The following CACNA1E variants were observed in gnomAD, a reference collection of about 807,000 sequenced individuals.
The protein encoded by CACNA1E is voltage-dependent R-type calcium channel subunit alpha-1E.
A neutral mutation model predicts 259.2 loss-of-function variants in CACNA1E; 40 were observed. The ratio of observed to expected loss-of-function variants is 0.15; its 90% CI spans 0.12 to 0.20. The LOEUF is 0.20. Among genes scored for constraint, CACNA1E ranks in the 10% least tolerant of loss-of-function variants. The probability of loss-of-function intolerance (pLI) is 1.00; values close to 1 mark genes in which losing one functional copy is unlikely to be tolerated. For missense variants in CACNA1E, 1,874 were observed against 3,040.1 expected, an observed-to-expected ratio of 0.62 and a Z score of 9.02; for synonymous variants, 1,104 against 1,138.5, an observed-to-expected ratio of 0.97 and a Z score of 0.61.
chr1:181,645,520 T>A (rs926848843), intron 6 of CACNA1E, among the ~76,000 whole-genome samples: 11 of 152,192 alleles, frequency 7.2e-5, no homozygotes, highest in Non-Finnish European at 1.3e-4. Flanking sequence ...AATTAATCTT[T>A]TCACTGCCTT....
Position 181,798,963 on chromosome 1 carries a change from G to T in CACNA1E, c.*129G>T. ...GATGGAAGGACACCATGCATTATCA[G>T]AGAAGAGGAAGTAAAGGACAATCAG... On this transcript the variant is annotated 3_prime_UTR_variant, in exon 48 of 48. Coordinates refer to ENST00000367573, the MANE Select transcript of CACNA1E (RefSeq NM_001205293.3). The surrounding 1 kb of genome is among the most constrained non-coding windows in gnomAD (Gnocchi z 4.2). The T allele has an allele frequency of 1.2e-6, 1 of 819,980 alleles. No individual in the cohort carries two copies. Among genetic ancestry groups the T allele is most frequent in the African/African-American group, 1.7e-5 (1 of 58,386 alleles). 50.8% of individuals were successfully genotyped at this position (819,980 alleles called of 1,614,324 possible).
chr1:181,373,758 C>T (rs907114059), intron 1 of CACNA1E, among the ~76,000 whole-genome samples: 2 of 152,108 alleles, frequency 1.3e-5, no homozygotes, highest in African/African-American at 4.8e-5. Flanking sequence ...ATCTCCTGAC[C>T]TTGTGATCCG....
chr1:181,534,829 T>G lies in CACNA1E; in HGVS notation c.512+23319T>G, dbSNP rs1402245941. 3.3e-5 allele frequency among the ~76,000 whole-genome samples: 5 copies of G among 152,090 alleles called. 1 individual carries two copies. Among genetic ancestry groups the G allele is most frequent in the African/African-American group, 1.2e-4 (5 of 41,430 alleles). On this transcript the variant is annotated intron_variant, in intron 3 of 47. Coordinates refer to ENST00000367573, the MANE Select transcript of CACNA1E (RefSeq NM_001205293.3). ...GAAGTAAGTCCTGACTTAATAGCAA[T>G]TGAAACAAATGTAACAGATTAAACT...
rs1412654349 is a variant in CACNA1E at position 181,485,965 on chromosome 1, G to T, written c.266+1955G>T. Among the ~76,000 whole-genome samples, 1 of 152,270 alleles carries T rather than the reference G, an allele frequency of 6.6e-6. No homozygotes were observed. Among genetic ancestry groups the T allele is most frequent in the African/African-American group, 2.4e-5 (1 of 41,470 alleles). On this transcript the variant is annotated intron_variant, in intron 1 of 47. Transcript: ENST00000367573. This position sits in a 1 kb window ranked among gnomAD's most constrained non-coding sequence, Gnocchi z 4.2. ...ACTCCCGGCGGCCCGGGGCTCCCCA[G>T]TTACCCGGGTTCAGCACCTCGGGTA...
intron 6 of CACNA1E, among the ~76,000 whole-genome samples, chr1:181,610,303 A>C (rs932953289): frequency 1.3e-5 from 2 of 152,194 alleles, no homozygotes; most frequent in Non-Finnish European, 2.9e-5. Flanking sequence ...TCCCAATAAT[A>C]AACCAATAAT....
In CACNA1E at chr1:181,380,795, T is replaced by A. The variant is rs990354697; in HGVS notation, c.-14-32338T>A. 4.0e-5 allele frequency among the ~76,000 whole-genome samples: 6 copies of A among 151,764 alleles called. No homozygotes were observed. In the East Asian group the frequency reaches 7.7e-4, roughly 20 times the overall value. ...TATGTTGGAAAACAGTTTAGCAGTTTAAAAAAAAATTAAACATATACCTAC... is the reference window on the plus strand; with the variant it reads ...TATGTTGGAAAACAGTTTAGCAGTTAAAAAAAAAATTAAACATATACCTAC... On this transcript the variant is annotated intron_variant, in intron 1 of 11. Coordinates refer to the CACNA1E transcript ENST00000524607.
rs753147402 is a variant in CACNA1E at position 181,739,254 on chromosome 1, G to A, written c.3719+1G>A. ...GCGCATTGGTGGCCTTTGCTCTGGC[G>A]TAAGTGACTCTTTTCATATTTGATT... On this transcript the variant is annotated splice_donor_variant, in intron 25 of 47. Transcript: ENST00000367573. LOFTEE classifies it high-confidence loss of function. 6.3e-7 allele frequency: 1 copy of A among 1,581,586 alleles called. No individual in the cohort carries two copies. Among genetic ancestry groups the A allele is most frequent in the Non-Finnish European group, 8.7e-7 (1 of 1,150,432 alleles).
At chr1:181,469,745 T>C (rs1452535814) in intron 2 of CACNA1E, among the ~76,000 whole-genome samples, 1 of 151,576 alleles carries the variant, frequency 6.6e-6, no homozygotes, top group Non-Finnish European at 1.5e-5. Flanking sequence ...AAGGAGCAGT[T>C]AGGGAGGTAG....
intron 18 of CACNA1E, among the ~76,000 whole-genome samples, chr1:181,728,697 ACACAGGTGTGTGTGCTCTG>A (rs1268256864): frequency 2.0e-5 from 3 of 147,590 alleles, no homozygotes; most frequent in African/African-American, 7.6e-5. Context: ...TGTGTGCCCT[ACACAGGTGTGTGTGCTCTG>A]CACAGGTATG....
At chr1:181,511,622 G>T in intron 3 of CACNA1E, 112 bp downstream of exon 3, 1 of 1,263,702 alleles carries the variant, frequency 7.9e-7, no homozygotes, top group Admixed American at 2.0e-5. Context: ...TAGAGTAGGG[G>T]CAGAAGAAAA....
chr1:181,391,931 C>G (rs747536997), intron 1 of CACNA1E, among the ~76,000 whole-genome samples: 2 of 59,876 alleles, frequency 3.3e-5, no homozygotes, highest in Non-Finnish European at 7.9e-5. Flanking sequence ...CTCTGTCTCT[C>G]TCTCTCTCTC....
At chr1:181,471,934 ATAAAGG>A (rs1468925970) in intron 2 of CACNA1E, among the ~76,000 whole-genome samples, 1 of 152,120 alleles carries the variant, frequency 6.6e-6, no homozygotes. Context: ...TCACCACCTC[ATAAAGG>A]TATCTGCACC....
In CACNA1E at chr1:181,738,734, G is replaced by A. The variant is rs530060227; in HGVS notation, c.3612+308G>A. ...GTGCTTGTCTTGGCTGAGCCTGGGT[G>A]TGTGCCAAGGCAAAGGGCTAGGTAG... On this transcript the variant is annotated intron_variant, in intron 24 of 47. Coordinates refer to ENST00000367573, the MANE Select transcript of CACNA1E (RefSeq NM_001205293.3). Among the ~76,000 whole-genome samples, 6 of 152,344 alleles carry A rather than the reference G, an allele frequency of 3.9e-5. 1 individual carries two copies. The highest frequency in any genetic ancestry group is 3.9e-4 in the Admixed American group (6 of 15,310).
At chr1:181,725,455 T>C (rs1478617192) in intron 17 of CACNA1E, among the ~76,000 whole-genome samples, 1 of 152,236 alleles carries the variant, frequency 6.6e-6, no homozygotes, top group Non-Finnish European at 1.5e-5. Context: ...ATAACGTCTG[T>C]GAAAACCATA....
At chr1:181,477,493 T>C (rs1368240105) in intron 2 of CACNA1E, among the ~76,000 whole-genome samples, 1 of 152,270 alleles carries the variant, frequency 6.6e-6, no homozygotes, top group Non-Finnish European at 1.5e-5. Context: ...ATTTGTTAAA[T>C]GGGTTTATGA....
chr1:181,330,497 A>G (rs139547208), intron 1 of CACNA1E, among the ~76,000 whole-genome samples: 1 of 152,240 alleles, frequency 6.6e-6, no homozygotes, highest in Non-Finnish European at 1.5e-5. Flanking sequence ...GAACGGGGCA[A>G]ACACAGCCCG....
intron 1 of CACNA1E, among the ~76,000 whole-genome samples, chr1:181,492,652 G>A (rs935234506): frequency 4.6e-5 from 7 of 152,194 alleles, no homozygotes; most frequent in African/African-American, 1.4e-4. Flanking sequence ...AACTGGGTGT[G>A]TTTGTTTCTG....
intron 7 of CACNA1E, among the ~76,000 whole-genome samples, chr1:181,680,233 G>T (rs1172923731): frequency 6.6e-6 from 1 of 152,022 alleles, no homozygotes; most frequent in Non-Finnish European, 1.5e-5. Context: ...ATCAAAATGG[G>T]CATTTGGGAG....
intron 1 of CACNA1E, 44 bp from the exon 2 acceptor site, chr1:181,510,431 CTG>C: frequency 7.7e-7 from 1 of 1,293,852 alleles, no homozygotes. Context: ...ATCTTGGAGG[CTG>C]TGTCCCTCTC....
Sources: allele counts gnomAD v4.1 joint callset (sites outside exome capture counted in the v4.1 genomes callset), GRCh38; gene constraint gnomAD v4.1.1; non-coding constraint Gnocchi (gnomAD v3.1); transcripts MANE v1.5; gene names NCBI Gene and HGNC (gene_info 2026-07-23, HGNC 2026-07-21).